The following LRRTM4 variants were observed in gnomAD, a reference collection of about 807,000 sequenced individuals.
LRRTM4 encodes leucine rich repeat transmembrane neuronal 4, also known as leucine-rich repeat transmembrane neuronal protein 4.
Under a neutral mutation model 47.6 loss-of-function variants are expected in LRRTM4, and 25 were observed. That is an observed-to-expected ratio of 0.53 (90% CI 0.38 to 0.73). The LOEUF is 0.73. LRRTM4 is among the 30% of genes least tolerant of loss of function. LRRTM4 has a pLI of 0.00. For synonymous variants in LRRTM4, 311 were observed against 269.5 expected (o/e 1.15, Z -1.51); for missense variants, 638 against 713.4 (o/e 0.89, Z 1.20).
chr2:77,137,570 C>T (rs979277525), intron 3 of LRRTM4, among the ~76,000 whole-genome samples: 2 of 152,024 alleles, frequency 1.3e-5, no homozygotes, highest in African/African-American at 2.4e-5. Flanking sequence ...CATCAACTAA[C>T]AAGCAAAATA....
chr2:77,443,133 T>C (rs988917327), intron 3 of LRRTM4, among the ~76,000 whole-genome samples: 7 of 151,942 alleles, frequency 4.6e-5, no homozygotes, highest in Admixed American at 1.3e-4. Flanking sequence ...GAAAGAGAAA[T>C]GGAAAATTGT....
At chr2:76,997,149 T>C (rs753586213) in intron 3 of LRRTM4, among the ~76,000 whole-genome samples, 2 of 152,140 alleles carry the variant, frequency 1.3e-5, no homozygotes, top group African/African-American at 2.4e-5. Context: ...TCTGATTTCA[T>C]GTTCCCCCAG....
At chr2:77,263,903 T>A (rs1675983310) in intron 3 of LRRTM4, among the ~76,000 whole-genome samples, 1 of 152,230 alleles carries the variant, frequency 6.6e-6, no homozygotes, top group Admixed American at 6.5e-5. Flanking sequence ...AGTGTTCTAA[T>A]GTTTAATGAT....
intron 3 of LRRTM4, among the ~76,000 whole-genome samples, chr2:76,897,233 G>C (rs1451790899): frequency 6.6e-6 from 1 of 152,078 alleles, no homozygotes; most frequent in African/African-American, 2.4e-5. Flanking sequence ...CACCTTCCAT[G>C]CTGCATTTAG....
chr2:77,402,395 T>C (rs1056633372), intron 3 of LRRTM4, among the ~76,000 whole-genome samples: 1 of 151,922 alleles, frequency 6.6e-6, no homozygotes, highest in Non-Finnish European at 1.5e-5. Context: ...GCAATTTTCT[T>C]ACCTCAGCCT....
chr2:76,801,214 C>T (rs1003687107), intron 3 of LRRTM4, among the ~76,000 whole-genome samples: 3 of 152,076 alleles, frequency 2.0e-5, no homozygotes, highest in Admixed American at 6.6e-5. Context: ...CACATGCACA[C>T]ATATGTTTAT....
At chr2:77,050,541 A>C (rs1480622608) in intron 3 of LRRTM4, among the ~76,000 whole-genome samples, 1 of 152,180 alleles carries the variant, frequency 6.6e-6, no homozygotes, top group East Asian at 1.9e-4. Flanking sequence ...TAAAGATAAG[A>C]TATCATTATG....
intron 3 of LRRTM4, among the ~76,000 whole-genome samples, chr2:77,032,787 A>G (rs1401034201): frequency 6.6e-6 from 1 of 152,148 alleles, no homozygotes; most frequent in Non-Finnish European, 1.5e-5. Context: ...CAGCATTTAT[A>G]GAAATTATGT....
intron 3 of LRRTM4, among the ~76,000 whole-genome samples, chr2:76,790,125 A>T (rs1029860892): frequency 3.3e-5 from 5 of 152,168 alleles, no homozygotes; most frequent in Admixed American, 6.6e-5. Flanking sequence ...TTACTTTTAG[A>T]ATTACCAAAG....
intron 3 of LRRTM4, among the ~76,000 whole-genome samples, chr2:77,049,120 TTTTATATATATATATATATATATA>T (rs1269642343): frequency 1.1e-4 from 7 of 66,468 alleles, no homozygotes; most frequent in African/African-American, 6.1e-4. Context: ...ATATTTCATT[TTTTATATATATATATATATATATA>T]TATATATATA....
At chr2:76,999,150 G>C (rs1838881) in intron 3 of LRRTM4, among the ~76,000 whole-genome samples, 62,682 of 151,590 alleles carry the variant, frequency 0.41, 13,359 homozygotes, top group East Asian at 0.61. Context: ...AAGCAGCACT[G>C]AAATTGATTA....
chr2:77,426,115 C>CA (rs149112731), intron 3 of LRRTM4, among the ~76,000 whole-genome samples: 2,458 of 119,412 alleles, frequency 0.021, 26 homozygotes, highest in East Asian at 0.073. Flanking sequence ...GAGACACCGT[C>CA]AAAAAAAAAA....
intron 3 of LRRTM4, among the ~76,000 whole-genome samples, chr2:77,381,382 T>C (rs1046266426): frequency 2.0e-5 from 3 of 152,056 alleles, no homozygotes; most frequent in Admixed American, 6.6e-5. Flanking sequence ...GATGATATCA[T>C]TAACCAAGCC....
chr2:77,512,626 A>C (rs1351605463), intron 3 of LRRTM4, among the ~76,000 whole-genome samples: 1 of 152,178 alleles, frequency 6.6e-6, no homozygotes, highest in Non-Finnish European at 1.5e-5. Context: ...AATTCAGATG[A>C]GTCACCAAGT....
chr2:77,298,329 C>A (rs930098095), intron 3 of LRRTM4, among the ~76,000 whole-genome samples: 2 of 152,136 alleles, frequency 1.3e-5, no homozygotes, highest in Admixed American at 1.3e-4. Context: ...CTCCGTCTCC[C>A]GGGTTCACGC....
At chr2:77,163,556 A>G (rs1462783613) in intron 3 of LRRTM4, among the ~76,000 whole-genome samples, 1 of 152,230 alleles carries the variant, frequency 6.6e-6, no homozygotes, top group Non-Finnish European at 1.5e-5. Flanking sequence ...GAAGGAAAAA[A>G]TGTTAAGGGC....
At chr2:76,821,652 T>C (rs1238734997) in intron 3 of LRRTM4, among the ~76,000 whole-genome samples, 1 of 151,768 alleles carries the variant, frequency 6.6e-6, no homozygotes, top group Non-Finnish European at 1.5e-5. Flanking sequence ...AGCATTTCCT[T>C]TGACTTCTCT....
chr2:77,482,736 T>C (rs1318416317), intron 3 of LRRTM4, among the ~76,000 whole-genome samples: 3 of 152,212 alleles, frequency 2.0e-5, no homozygotes, highest in Admixed American at 6.5e-5. Context: ...ATTTATAATG[T>C]ATTTCATTTA....
At chr2:77,108,132 G>C (rs1468492365) in intron 3 of LRRTM4, among the ~76,000 whole-genome samples, 1 of 151,970 alleles carries the variant, frequency 6.6e-6, no homozygotes, top group African/African-American at 2.4e-5. Context: ...ATTTAAATTA[G>C]GGAGAAAAAG....
Sources: gnomAD v4.1 joint callset for allele counts (sites outside exome capture counted in the v4.1 genomes callset) on GRCh38, gnomAD v4.1.1 for gene constraint, MANE v1.5 for transcripts, NCBI Gene and HGNC (gene_info 2026-07-23, HGNC 2026-07-21) for gene names.